Variants in CDK19 observed in about 807,000 individuals in gnomAD.
The protein encoded by CDK19 is cyclin-dependent kinase 19.
In CDK19, 20 loss-of-function variants were observed where a neutral mutation model predicts 68.3. That is an observed-to-expected ratio of 0.29 (90% CI 0.21 to 0.43). The LOEUF is 0.43. CDK19 is among the 20% of genes least tolerant of loss of function. The pLI is 1.00. For missense variants in CDK19, 339 were observed against 623.5 expected (o/e 0.54, Z 4.86); for synonymous variants, 221 against 222.8 (o/e 0.99, Z 0.07).
chr6:110,743,484 T>C (rs1190414583), intron 2 of CDK19, among the ~76,000 whole-genome samples: 2 of 151,616 alleles, frequency 1.3e-5, no homozygotes, highest in African/African-American at 4.8e-5. Flanking sequence ...TCTACTAAAA[T>C]ACAAAAAATG....
rs779641667 is a variant in CDK19, at chr6:110,815,188, C to CCCT, written c.-55_-53dup. On this transcript the variant is annotated 5_prime_UTR_variant, in exon 1 of 13. Transcript: ENST00000368911. ...GACGCGGGGGCCGCCGCCGCTCAGTCCCTCCTCCTCCTCCCCCCGCGACCG... is the reference window on the plus strand; with the variant it reads ...GACGCGGGGGCCGCCGCCGCTCAGTCCCTCCTCCTCCTCCTCCCCCCGCGACCG... 1.3e-6 allele frequency: 2 copies of CCCT among 1,502,584 alleles called. No individual in the cohort carries two copies. Among genetic ancestry groups the CCCT allele is most frequent in the Non-Finnish European group, 1.8e-6 (2 of 1,121,916 alleles). The allele number at this position is 1,502,584 out of a possible 1,614,324, so 93.1% of individuals were successfully genotyped here. A position where few individuals can be genotyped will look rare whatever the true frequency, so the allele number is the denominator to read the frequency against.
chr6:110,679,741 AAT>A (rs141175557), intron 2 of CDK19, among the ~76,000 whole-genome samples: 91 of 152,374 alleles, frequency 6.0e-4, no homozygotes, highest in African/African-American at 2.1e-3. Context: ...ATTGTACAGA[AAT>A]ATGTCACTTA....
intron 6 of CDK19, among the ~76,000 whole-genome samples, chr6:110,628,629 G>C (rs982771493): frequency 1.3e-5 from 2 of 152,022 alleles, no homozygotes; most frequent in African/African-American, 4.8e-5. Context: ...TGCAATTTCA[G>C]GCATCCCCTG....
intron 1 of CDK19, chr6:110,774,023 T>G (rs1780217398): frequency 6.6e-6 from 1 of 152,198 alleles, no homozygotes. Flanking sequence ...CAAATGCCTA[T>G]CACAAGTCTA....
At chr6:110,746,229 T>C (rs1339101475) in intron 1 of CDK19, 28 bp from the exon 2 acceptor site, 1 of 1,366,454 alleles carries the variant, frequency 7.3e-7, no homozygotes. Flanking sequence ...AACATCATTT[T>C]TCCATATATC....
At chr6:110,679,517 C>A (rs1477943492) in intron 2 of CDK19, among the ~76,000 whole-genome samples, 1 of 152,104 alleles carries the variant, frequency 6.6e-6, no homozygotes, top group Non-Finnish European at 1.5e-5. Flanking sequence ...GAGGCCGAGG[C>A]AGGAGAATCC....
At chr6:110,757,184 A>C (rs1778896808) in intron 1 of CDK19, among the ~76,000 whole-genome samples, 1 of 152,206 alleles carries the variant, frequency 6.6e-6, no homozygotes, top group African/African-American at 2.4e-5. Flanking sequence ...TGGTTGCCAA[A>C]GAATTTAGAG....
chr6:110,779,250 A>G (rs1031410560), intron 1 of CDK19, among the ~76,000 whole-genome samples: 3 of 152,150 alleles, frequency 2.0e-5, no homozygotes, highest in Non-Finnish European at 4.4e-5. Flanking sequence ...GCCTTTGCAC[A>G]GGTATATACA....
intron 1 of CDK19, among the ~76,000 whole-genome samples, chr6:110,770,567 G>A (rs750181458): frequency 6.6e-6 from 1 of 152,134 alleles, no homozygotes; most frequent in Non-Finnish European, 1.5e-5. Context: ...GATGAGATTT[G>A]GGTGGGGACA....
chr6:110,720,802 G>A (rs1056727158), intron 2 of CDK19, among the ~76,000 whole-genome samples: 1 of 150,864 alleles, frequency 6.6e-6, no homozygotes, highest in South Asian at 2.1e-4. Flanking sequence ...GGGAAGCAGA[G>A]GCTGCAGTGA....
At chr6:110,614,769 C>A in intron 12 of CDK19, 103 bp from the exon 13 acceptor site, 1 of 1,200,018 alleles carries the variant, frequency 8.3e-7, no homozygotes, top group South Asian at 1.5e-5. Flanking sequence ...TCATTAGGTT[C>A]CTGGTTCAGA....
chr6:110,651,449 T>C (rs1000313782), intron 4 of CDK19, among the ~76,000 whole-genome samples: 12 of 152,102 alleles, frequency 7.9e-5, no homozygotes, highest in African/African-American at 2.4e-4. Context: ...TAATAAAAAA[T>C]AGGCCGGGCA....
chr6:110,670,664 G>A, intron 2 of CDK19, 123 bp from the exon 3 acceptor site: 1 of 670,144 alleles, frequency 1.5e-6, no homozygotes, highest in Admixed American at 2.5e-5. Context: ...CAAAATGAAA[G>A]AAAAAAATAC....
At chr6:110,634,688 A>T (rs546284766) in intron 5 of CDK19, among the ~76,000 whole-genome samples, 7 of 152,356 alleles carry the variant, frequency 4.6e-5, no homozygotes, top group Admixed American at 1.3e-4. Context: ...AATTCATTCT[A>T]CCAATATTAC....
intron 4 of CDK19, among the ~76,000 whole-genome samples, chr6:110,652,049 G>A (rs1781006361): frequency 6.6e-6 from 1 of 151,952 alleles, no homozygotes; most frequent in African/African-American, 2.4e-5. Flanking sequence ...ACTCCAGCCT[G>A]GGCAACAGAG....
chr6:110,610,183 C>T lies in CDK19; in HGVS notation c.*4352G>A, dbSNP rs946225110. The T allele has an allele frequency of 6.6e-5, 10 of 152,020 alleles. No homozygotes were observed. Among genetic ancestry groups the T allele is most frequent in the South Asian group, 2.1e-4 (1 of 4,816 alleles). The allele number at this position is 152,020 out of a possible 1,614,324, so 9.4% of individuals were successfully genotyped here. On this transcript the variant is annotated 3_prime_UTR_variant, in exon 13 of 13. Coordinates refer to ENST00000368911, the MANE Select transcript of CDK19 (RefSeq NM_015076.5). Reference sequence around the variant, plus strand: ...TGAGCACAAACCTCGCAGTGGAGCACGAAAAGCTACAGTCATCTCTATAAC... The same window carrying T: ...TGAGCACAAACCTCGCAGTGGAGCATGAAAAGCTACAGTCATCTCTATAAC...
chr6:110,720,535 G>A (rs1343765971), intron 2 of CDK19, among the ~76,000 whole-genome samples: 1 of 152,000 alleles, frequency 6.6e-6, no homozygotes, highest in South Asian at 2.1e-4. Context: ...GCTGTTAAAC[G>A]ACAAAAAAGA....
intron 2 of CDK19, among the ~76,000 whole-genome samples, chr6:110,723,357 G>A (rs539742109): frequency 3.9e-5 from 6 of 152,148 alleles, no homozygotes; most frequent in Non-Finnish European, 7.4e-5. Flanking sequence ...TGAGATCCCA[G>A]TCACCACATG....
chr6:110,644,104 C>T (rs1216004774), intron 4 of CDK19, among the ~76,000 whole-genome samples: 2 of 151,940 alleles, frequency 1.3e-5, no homozygotes, highest in Non-Finnish European at 2.9e-5. Context: ...CCAGCCTGGC[C>T]AACATGGTGA....
Sources: allele counts gnomAD v4.1 joint callset (sites outside exome capture counted in the v4.1 genomes callset), GRCh38; gene constraint gnomAD v4.1.1; transcripts MANE v1.5; gene names NCBI Gene and HGNC (gene_info 2026-07-23, HGNC 2026-07-21).